SSH2: variants seen among roughly 807,000 people sequenced by gnomAD.
The protein encoded by SSH2 is slingshot protein phosphatase 2, also known as protein phosphatase Slingshot homolog 2.
Under a neutral mutation model 135.2 loss-of-function variants are expected in SSH2, and 37 were observed. The observed-to-expected ratio is 0.27, with a 90% CI of 0.21 to 0.36. The LOEUF (loss-of-function observed/expected upper bound fraction) is 0.36. SSH2 is among the 10% of genes least tolerant of loss of function. The pLI is 1.00. For synonymous variants in SSH2, 628 were observed against 646.2 expected, an observed-to-expected ratio of 0.97 and a Z score of 0.43; for missense variants, 1,408 against 1,765.3, an observed-to-expected ratio of 0.80 and a Z score of 3.63.
intron 6 of SSH2, among the ~76,000 whole-genome samples, chr17:29,684,098 G>C (rs2038103654): frequency 6.6e-6 from 1 of 152,166 alleles, no homozygotes; most frequent in African/African-American, 2.4e-5. Flanking sequence ...AAACATTCTT[G>C]TTTCTCAAGA....
At position 29,711,724 on chromosome 17, in the gene SSH2, T is replaced by C. The variant is rs537313173; in HGVS notation, c.189-8662A>G. ...CTGGAATGTGGCTTACATCTGGCAGTTGGAAATTCTCCCCGTGGAATCTGA... is the reference window on the plus strand; with the variant it reads ...CTGGAATGTGGCTTACATCTGGCAGCTGGAAATTCTCCCCGTGGAATCTGA... On this transcript the variant is annotated intron_variant, in intron 3 of 15. Transcript: ENST00000540801. Among the ~76,000 whole-genome samples the C allele has an allele frequency of 3.3e-5, 5 of 152,314 alleles. No individual in the cohort carries two copies. The East Asian group carries it at 9.6e-4, about 29-fold the overall frequency.
rs1379701949 is a variant in SSH2, at chr17:29,632,168, C to T, written c.3026G>A (p.Gly1009Glu). The change falls in exon 16 of 16, where the codon GGA becomes GAA. Residue 1009 changes from glycine (G) to glutamate (E), a missense_variant. Physicochemically the swap from Gly to Glu is moderately conservative, Grantham distance 98. Around this residue, in one of 3 missense-constraint regions of SSH2, gnomAD observed 1,080 missense variants for 1,144.5 expected, o/e 0.94. Transcript: ENST00000540801. Reference protein sequence around the residue: ...PGSDTGTQQEGVLKDLRTVIP... With the variant: ...PGSDTGTQQEEVLKDLRTVIP... ...CACAGTCCTCAGATCCTTCAGGACT[C>T]CTTCCTGCTGTGTTCCAGTATCTGA... The T allele has an allele frequency of 6.2e-7, 1 of 1,613,918 alleles. No homozygotes were observed. Among genetic ancestry groups the T allele is most frequent in the Non-Finnish European group, 8.5e-7 (1 of 1,180,018 alleles).
chr17:29,695,191 T>C (rs2038675651), intron 5 of SSH2, among the ~76,000 whole-genome samples: 1 of 152,240 alleles, frequency 6.6e-6, no homozygotes, highest in Non-Finnish European at 1.5e-5. Context: ...CAAGCTCCAC[T>C]GACTACATAA....
At chr17:29,679,326 C>G (rs540964787) in intron 6 of SSH2, among the ~76,000 whole-genome samples, 1 of 152,060 alleles carries the variant, frequency 6.6e-6, no homozygotes, top group African/African-American at 2.4e-5. Flanking sequence ...AGCTCTGGAA[C>G]CTGGGTTCAC....
Position 29,631,728 on chromosome 17 carries a change from A to T in SSH2, c.3466T>A (p.Leu1156Met). ...ATAGTCTGGGGATGCAGGTAATCCA[A>T]ACTGGCAGACAGTAAATGGGTTGTA... Reference protein sequence around the residue: ...SHTTHLLSASLDYLHPQTMVH... With the variant: ...SHTTHLLSASMDYLHPQTMVH... Residue 1156 changes from leucine to methionine, a missense_variant, in exon 16 of 16, where the codon TTG (leucine) becomes ATG (methionine). This residue lies in a region of SSH2 where 1,080 missense variants were observed against 1,144.5 expected (regional missense o/e 0.94). Transcript: ENST00000540801. The T allele has an allele frequency of 3.1e-6, 5 of 1,614,126 alleles. No individual in the cohort carries two copies. The highest frequency in any genetic ancestry group is 4.2e-6 in the Non-Finnish European group (5 of 1,180,028).
chr17:29,643,319 A>C (rs1195765074), intron 14 of SSH2: 1 of 981,104 alleles, frequency 1.0e-6, no homozygotes, highest in Non-Finnish European at 1.2e-6. Flanking sequence ...CATTTTTCTT[A>C]CTGTCAGAGG....
Position 29,636,319 on chromosome 17 carries a change from T to C in SSH2, c.1911A>G (p.Leu637=). 1.9e-6 allele frequency: 3 copies of C among 1,614,144 alleles called. No homozygotes were observed. Among genetic ancestry groups the C allele is most frequent in the Non-Finnish European group, 2.5e-6 (3 of 1,180,022 alleles). ...GAGATGTCAATTCTTCCATAGGCAG[T>C]AGGTGGACATTCATGTCTGCTTTCA... ...DALKADMNVH[L]LPMEELTSPL... The change falls in exon 15 of 16, where the codon CTA becomes CTG. Residue 637 remains leucine, a synonymous_variant. Transcript: ENST00000540801.
intron 6 of SSH2, among the ~76,000 whole-genome samples, chr17:29,681,568 A>G (rs896253031): frequency 6.6e-6 from 1 of 150,634 alleles, no homozygotes; most frequent in Non-Finnish European, 1.5e-5. Flanking sequence ...AAGAAATGGA[A>G]AAAAAAAACC....
intron 2 of SSH2, among the ~76,000 whole-genome samples, chr17:29,803,779 G>T (rs1042433372): frequency 6.6e-6 from 1 of 152,210 alleles, no homozygotes; most frequent in African/African-American, 2.4e-5. Context: ...GAGCTATTTA[G>T]GAGGGCAAAG....
Position 29,626,610 on chromosome 17 carries a change from G to A in SSH2, c.*4231C>T, listed in dbSNP as rs367819802. The A allele has an allele frequency of 1.3e-5, 2 of 152,714 alleles. No homozygotes were observed. The highest frequency in any genetic ancestry group is 3.9e-4 in the East Asian group (2 of 5,174). 9.5% of individuals were successfully genotyped at this position (152,714 alleles called of 1,614,324 possible). On this transcript the variant is annotated 3_prime_UTR_variant, in exon 16 of 16. Coordinates refer to ENST00000540801, the MANE Select transcript of SSH2 (RefSeq NM_001282129.2). ...GAGGCTGGTTATCTTCTCATAGCAG[G>A]AGCCAGGGCCAGTCACCCTCCATTT...
At chr17:29,672,192 T>C (rs1664744590) in intron 8 of SSH2, 63 bp from the exon 9 acceptor site, 1 of 1,278,162 alleles carries the variant, frequency 7.8e-7, no homozygotes, top group Admixed American at 2.1e-5. Flanking sequence ...CAATAACCTG[T>C]GTACTCCAAA....
intron 2 of SSH2, among the ~76,000 whole-genome samples, chr17:29,829,864 G>C (rs1448144016): frequency 7.0e-6 from 1 of 142,120 alleles, no homozygotes; most frequent in African/African-American, 2.7e-5. Flanking sequence ...TTTTGAGACA[G>C]AGTCTCGCTC....
chr17:29,872,777 C>A (rs537324299), intron 1 of SSH2, among the ~76,000 whole-genome samples: 8 of 152,118 alleles, frequency 5.3e-5, no homozygotes, highest in Non-Finnish European at 1.2e-4. Flanking sequence ...AGGTGGATAG[C>A]TTGAGTCCAA....
intron 8 of SSH2, among the ~76,000 whole-genome samples, chr17:29,673,569 C>CAA (rs1230226229): frequency 1.9e-5 from 2 of 104,880 alleles, no homozygotes; most frequent in Non-Finnish European, 4.1e-5. Flanking sequence ...GACACAATCT[C>CAA]AAAAAAAAAA....
rs748935355 is a variant in SSH2 at position 29,684,702 on chromosome 17, A to G, written c.358-18T>C. 36 of 1,601,246 alleles carry G rather than the reference A, an allele frequency of 2.2e-5. No homozygotes were observed. In the Admixed American group the frequency reaches 5.2e-4, roughly 23 times the overall value. On this transcript the variant is annotated intron_variant, in intron 5 of 15. Transcript: ENST00000540801. ...CTTACAGCCTGGAATTTAGCAGACA[A>G]CAGAGAAATTATGAAATTTAGGACA...
chr17:29,883,668 G>A (rs796114487), intron 1 of SSH2, among the ~76,000 whole-genome samples: 1 of 152,138 alleles, frequency 6.6e-6, no homozygotes, highest in African/African-American at 2.4e-5. Flanking sequence ...CAGAGGATGA[G>A]TTAATTCTCT....
intron 14 of SSH2, among the ~76,000 whole-genome samples, chr17:29,637,632 A>G (rs1170116409): frequency 6.6e-6 from 1 of 151,172 alleles, no homozygotes; most frequent in African/African-American, 2.4e-5. Context: ...AATATAAAAA[A>G]TTATCCAGGT....
intron 3 of SSH2, among the ~76,000 whole-genome samples, chr17:29,731,420 TATTTATTTATTTA>T (rs960365913): frequency 3.7e-3 from 9 of 2,442 alleles, no homozygotes; most frequent in African/African-American, 9.7e-3. Context: ...AAGTATTTTT[TATTTATTTATTTA>T]TTTATTTATT....
chr17:29,773,291 TAGAAA>T (rs1167691316), intron 3 of SSH2, among the ~76,000 whole-genome samples: 1 of 152,150 alleles, frequency 6.6e-6, no homozygotes, highest in Non-Finnish European at 1.5e-5. Context: ...TATTACAATG[TAGAAA>T]AGAAAAGACA....
Sources: allele counts gnomAD v4.1 joint callset (sites outside exome capture counted in the v4.1 genomes callset), GRCh38; gene constraint gnomAD v4.1.1; regional missense constraint gnomAD v4.1.1; transcripts MANE v1.5; gene names NCBI Gene and HGNC (gene_info 2026-07-23, HGNC 2026-07-21).